Variants in DNAH11 observed in about 807,000 individuals in gnomAD.
DNAH11 encodes dynein axonemal heavy chain 11, also known as axonemal beta dynein heavy chain 11.
DNAH11 carries 442 observed loss-of-function variants against 526.0 expected under a neutral mutation model. The observed-to-expected ratio is 0.84, with a 90% CI of 0.78 to 0.91. The LOEUF (loss-of-function observed/expected upper bound fraction) is 0.91. Among genes scored for constraint, DNAH11 ranks in the 40% least tolerant of loss-of-function variants. DNAH11 has a pLI of 0.00. For synonymous variants in DNAH11, 2,461 were observed against 1,935.9 expected (o/e 1.27, Z -7.12); for missense variants, 6,989 against 5,448.7 (o/e 1.28, Z -8.90).
At chr7:21,688,233 G>A (rs73273579) in intron 34 of DNAH11, among the ~76,000 whole-genome samples, 3 of 151,968 alleles carry the variant, frequency 2.0e-5, no homozygotes, top group East Asian at 1.9e-4. Context: ...CCCTCACAGC[G>A]CTTCATTGCT....
At chr7:21,559,524 C>A (rs1783363508) in intron 3 of DNAH11, 79 bp from the exon 4 acceptor site, 3 of 1,144,394 alleles carry the variant, frequency 2.6e-6, no homozygotes, top group East Asian at 5.4e-5. Flanking sequence ...TTTATGGATG[C>A]CTAAAATAAC....
rs750181929 is a variant in DNAH11, at chr7:21,601,499, C to G, written c.3529C>G (p.Leu1177Val). 1.9e-6 allele frequency: 3 copies of G among 1,613,782 alleles called. No homozygotes were observed. The highest frequency in any genetic ancestry group is 1.7e-5 in the Admixed American group (1 of 59,976). ...TTTAGTTGACATCATGGTGCATCTT[C>G]TGGCTGTAAGAAGCCGACAGAGAGC... Reference protein sequence around the residue: ...DGLVDIMVHLLAVRSRQRATD... With the variant: ...DGLVDIMVHLVAVRSRQRATD... The change falls in exon 18 of 82, where the codon CTG (leucine) becomes GTG (valine). Residue 1177 changes from leucine to valine, a missense_variant. Coordinates refer to ENST00000409508, the MANE Select transcript of DNAH11 (RefSeq NM_001277115.2).
At chr7:21,772,016 G>C (rs1461187133) in intron 55 of DNAH11, among the ~76,000 whole-genome samples, 1 of 152,174 alleles carries the variant, frequency 6.6e-6, no homozygotes, top group Non-Finnish European at 1.5e-5. Flanking sequence ...ATAAGAGAAA[G>C]TGACAAATTG....
intron 35 of DNAH11, among the ~76,000 whole-genome samples, chr7:21,696,322 C>G (rs913652846): frequency 5.3e-5 from 8 of 152,044 alleles, no homozygotes; most frequent in Admixed American, 3.9e-4. Context: ...CTGATGAGAA[C>G]TTATTTTAGT....
Position 21,901,582 on chromosome 7 carries a change from T to TACATCATAAAAGTACATCATATG in DNAH11, c.*329_*351dup, listed in dbSNP as rs1784859758. 1.1e-5 allele frequency: 2 copies of TACATCATAAAAGTACATCATATG among 180,660 alleles called. No individual in the cohort carries two copies. Among genetic ancestry groups the TACATCATAAAAGTACATCATATG allele is most frequent in the Admixed American group, 1.2e-4 (2 of 16,196 alleles). The allele number at this position is 180,660 out of a possible 1,614,324, so 11.2% of individuals were successfully genotyped here. On this transcript the variant is annotated 3_prime_UTR_variant, in exon 82 of 82. Transcript: ENST00000409508. ...AGACTCCATCTCAAAAAAAAAAAAGTACATCATAAAAGTACATCATATGTG... is the reference window on the plus strand; with the variant it reads ...AGACTCCATCTCAAAAAAAAAAAAGTACATCATAAAAGTACATCATATGACATCATAAAAGTACATCATATGTG...
chr7:21,745,651 A>G (rs145826019), intron 51 of DNAH11, among the ~76,000 whole-genome samples: 4 of 152,340 alleles, frequency 2.6e-5, no homozygotes, highest in Non-Finnish European at 4.4e-5. Flanking sequence ...TCCCCTCTGT[A>G]GTTGAGCTTA....
intron 66 of DNAH11, 52 bp downstream of exon 66, chr7:21,842,800 A>G: frequency 2.1e-6 from 3 of 1,454,760 alleles, no homozygotes; most frequent in Admixed American, 2.1e-5. Flanking sequence ...GCTTTGCACA[A>G]ATCACAGTGC....
chr7:21,830,432 C>G (rs1284631027), intron 65 of DNAH11, among the ~76,000 whole-genome samples: 1 of 152,188 alleles, frequency 6.6e-6, no homozygotes, highest in African/African-American at 2.4e-5. Context: ...TGAACTGTGT[C>G]TGTTGTTTTT....
Position 21,742,178 on chromosome 7 carries a change from G to C in DNAH11, c.8154+12G>C, listed in dbSNP as rs749390012. On this transcript the variant is annotated intron_variant, in intron 49 of 81. Transcript: ENST00000409508. Reference sequence around the variant, plus strand: ...CAAACGTCTTCCAGGTACCTTGACTGCTCTATGTTATGCCTCTTGAGTAGA... The same window carrying C: ...CAAACGTCTTCCAGGTACCTTGACTCCTCTATGTTATGCCTCTTGAGTAGA... 13 of 1,612,684 alleles carry C rather than the reference G, an allele frequency of 8.1e-6. No individual in the cohort carries two copies. Among genetic ancestry groups the C allele is most frequent in the African/African-American group, 1.3e-5 (1 of 74,878 alleles).
chr7:21,760,810 A>G (rs1786865822), intron 54 of DNAH11, among the ~76,000 whole-genome samples: 1 of 152,138 alleles, frequency 6.6e-6, no homozygotes, highest in South Asian at 2.1e-4. Context: ...CCTTCCCACC[A>G]GTCTGTGTAG....
In DNAH11 at chr7:21,816,597, A is replaced by G. The variant is rs755139044; in HGVS notation, c.10463A>G (p.His3488Arg). 10 of 1,613,540 alleles carry G rather than the reference A, an allele frequency of 6.2e-6. No individual in the cohort carries two copies. The African/African-American group carries it at 1.1e-4, about 17-fold the overall frequency. ...MSTENAAILT[H>R]CERWPLVIDP... The stretch of plus-strand genomic sequence containing the variant: ...ACCGAAAATGCCGCTATCCTAACAC[A>G]CTGTGAGCGCTGGCCTCTGGTGATA... Residue 3488 changes from histidine to arginine, a missense_variant, in exon 64 of 82, where the codon CAC becomes CGC. By Grantham distance (29) the His-to-Arg change is conservative (BLOSUM62 0). Coordinates refer to ENST00000409508, the MANE Select transcript of DNAH11 (RefSeq NM_001277115.2).
intron 56 of DNAH11, among the ~76,000 whole-genome samples, chr7:21,776,171 G>C (rs1282632198): frequency 6.6e-6 from 1 of 152,132 alleles, no homozygotes; most frequent in African/African-American, 2.4e-5. Context: ...GGCTGCTTGG[G>C]TCTCTTTACT....
intron 28 of DNAH11, among the ~76,000 whole-genome samples, chr7:21,642,289 A>C (rs2128461196): frequency 6.6e-6 from 1 of 152,282 alleles, no homozygotes; most frequent in African/African-American, 2.4e-5. Context: ...TGTGGTACAA[A>C]TAACCATCCA....
rs139790535 is a variant in DNAH11 at position 21,796,127 on chromosome 7, T to A, written c.10027-5010T>A. On this transcript the variant is annotated intron_variant, in intron 61 of 81. Transcript: ENST00000409508. Reference sequence around the variant, plus strand: ...GTTTGTCCTATAGGCCAGAATATACTAAGCTCCCTAATATTGAAGACTCTT... The same window carrying A: ...GTTTGTCCTATAGGCCAGAATATACAAAGCTCCCTAATATTGAAGACTCTT... Among the ~76,000 whole-genome samples, 39 of 152,334 alleles carry A rather than the reference T, an allele frequency of 2.6e-4. No homozygotes were observed. In the East Asian group the frequency reaches 7.1e-3, roughly 28 times the overall value.
chr7:21,799,069 G>T (rs1344024602), intron 61 of DNAH11, among the ~76,000 whole-genome samples: 1 of 152,070 alleles, frequency 6.6e-6, no homozygotes, highest in Non-Finnish European at 1.5e-5. Flanking sequence ...TACTGTCCTA[G>T]ATATTATTCT....
intron 25 of DNAH11, among the ~76,000 whole-genome samples, chr7:21,635,189 T>C (rs1562717509): frequency 6.6e-6 from 1 of 152,112 alleles, no homozygotes; most frequent in African/African-American, 2.4e-5. Context: ...AGAGTCTCAC[T>C]CTGTTGCCCA....
intron 45 of DNAH11, among the ~76,000 whole-genome samples, chr7:21,731,252 C>A (rs993824224): frequency 6.6e-6 from 1 of 151,948 alleles, no homozygotes; most frequent in Non-Finnish European, 1.5e-5. Context: ...TAAATACATA[C>A]AATTTTGTCA....
chr7:21,571,532 G>T (rs1583490808), intron 7 of DNAH11, among the ~76,000 whole-genome samples: 1 of 152,156 alleles, frequency 6.6e-6, no homozygotes, highest in East Asian at 1.9e-4. Flanking sequence ...CTCCTGCCTC[G>T]GCCTCCCAAA....
rs72657360 is a variant in DNAH11 at position 21,735,950 on chromosome 7, T to C, written c.7645+106T>C. The C allele has an allele frequency of 2.1e-3, 2,281 of 1,064,014 alleles. 35 individuals carry two copies. The African/African-American group carries it at 0.031, about 14-fold the overall frequency. The allele number at this position is 1,064,014 out of a possible 1,614,324, so 65.9% of individuals were successfully genotyped here. A position where few individuals can be genotyped will look rare whatever the true frequency, so the allele number is the denominator to read the frequency against. ...TGCCTTTCCCTAGAATTTAGAGTTG[T>C]TGCTTGGGCCTTAGATGAATTTGTA... On this transcript the variant is annotated intron_variant, in intron 46 of 81. Coordinates refer to ENST00000409508, the MANE Select transcript of DNAH11 (RefSeq NM_001277115.2).
Sources: gnomAD v4.1 joint callset for allele counts (sites outside exome capture counted in the v4.1 genomes callset) on GRCh38, gnomAD v4.1.1 for gene constraint, MANE v1.5 for transcripts, NCBI Gene and HGNC (gene_info 2026-07-23, HGNC 2026-07-21) for gene names.